Variants in MINDY1 observed in about 807,000 individuals in gnomAD.
The protein encoded by MINDY1 is ubiquitin carboxyl-terminal hydrolase MINDY-1.
A neutral mutation model predicts 53.6 loss-of-function variants in MINDY1; 50 were observed. The ratio of observed to expected loss-of-function variants is 0.93; its 90% CI spans 0.74 to 1.18. The LOEUF (loss-of-function observed/expected upper bound fraction) is 1.18, where lower values mean the gene tolerates loss of function less well. Among genes scored for constraint, MINDY1 ranks in the 50% most tolerant of loss-of-function variants. The pLI is 0.00. For synonymous variants in MINDY1, 231 were observed against 234.7 expected (o/e 0.98, Z 0.14); for missense variants, 484 against 578.6 (o/e 0.84, Z 1.68).
chr1:151,003,654 G>A (rs763055980), intron 1 of MINDY1, among the ~76,000 whole-genome samples: 15 of 152,174 alleles, frequency 9.9e-5, no homozygotes, highest in Admixed American at 2.0e-4. Context: ...CAAGCAATCC[G>A]CCCTCCTCAG....
Position 151,002,787 on chromosome 1 carries a change from G to T in MINDY1, c.-89-81C>A, listed in dbSNP as rs895139469. 2 of 1,475,218 alleles carry T rather than the reference G, an allele frequency of 1.4e-6. No individual in the cohort carries two copies. Among genetic ancestry groups the T allele is most frequent in the Non-Finnish European group, 1.8e-6 (2 of 1,112,476 alleles). The allele number at this position is 1,475,218 out of a possible 1,614,324, so 91.4% of individuals were successfully genotyped here. On this transcript the variant is annotated intron_variant, in intron 1 of 9. Transcript: ENST00000683666. This position sits in a 1 kb window ranked among gnomAD's most constrained non-coding sequence, Gnocchi z 4.1. ...TTGGAAAAGGAATGTAGTGTAGAAG[G>T]CTGGCTAGTGTTTGTGCAGTAACTC...
intron 4 of MINDY1, 108 bp from the exon 5 acceptor site, chr1:151,000,723 C>T: frequency 8.2e-7 from 1 of 1,222,364 alleles, no homozygotes; most frequent in Middle Eastern, 2.0e-4. Flanking sequence ...CCCTGATTCT[C>T]TTACAAGCCA....
At chr1:151,000,330 T>A in intron 5 of MINDY1, 127 bp downstream of exon 5, 1 of 970,624 alleles carries the variant, frequency 1.0e-6, no homozygotes, top group Non-Finnish European at 1.5e-6. Flanking sequence ...CTGGGTCCAG[T>A]CTCTAAACAC....
intron 1 of MINDY1, 77 bp downstream of exon 1, chr1:151,006,235 C>T: frequency 6.6e-7 from 1 of 1,525,866 alleles, no homozygotes; most frequent in Non-Finnish European, 8.8e-7. Flanking sequence ...CAGCAGGTGT[C>T]AGCTCCCCAA....
downstream of MINDY1, chr1:150,996,548 GT>G (rs879468386): frequency 1.1e-3 from 160 of 140,424 alleles, no homozygotes; most frequent in East Asian, 5.6e-3. Flanking sequence ...AGGAAAGAAG[GT>G]TTTTTTTTTT....
rs1291226805 is a variant in MINDY1 at position 150,997,383 on chromosome 1, C to T, written c.1330-16G>A. 25 of 1,590,438 alleles carry T rather than the reference C, an allele frequency of 1.6e-5. No homozygotes were observed. The highest frequency in any genetic ancestry group is 2.3e-5 in the East Asian group (1 of 43,534). On this transcript the variant is annotated splice_polypyrimidine_tract_variant and intron_variant, in intron 9 of 9. Transcript: ENST00000683666. Reference sequence around the variant, plus strand: ...CTCCTCTCCCCTGTATCGGATTTAACAATTGGTCACTGAACTTCCTTGGAA... The same window carrying T: ...CTCCTCTCCCCTGTATCGGATTTAATAATTGGTCACTGAACTTCCTTGGAA...
In MINDY1 at chr1:151,002,038, C is replaced by G; in HGVS notation, c.453+127G>C. 2.0e-6 allele frequency: 2 copies of G among 1,006,952 alleles called. No homozygotes were observed. Among genetic ancestry groups the G allele is most frequent in the South Asian group, 3.4e-5 (2 of 59,050 alleles). 62.4% of individuals were successfully genotyped at this position (1,006,952 alleles called of 1,614,324 possible). On this transcript the variant is annotated intron_variant, in intron 2 of 9. Transcript: ENST00000683666. The surrounding 1 kb of genome is among the most constrained non-coding windows in gnomAD (Gnocchi z 4.1). ...GAACATCTTATCTCATTTGCTCAAG[C>G]TGGAGAAATAGGGAGAACAATCTGA...
intron 4 of MINDY1, 35 bp from the exon 5 acceptor site, chr1:151,000,650 C>T (rs773035437): frequency 5.0e-6 from 8 of 1,587,552 alleles, no homozygotes; most frequent in African/African-American, 2.7e-5. Context: ...GAGATTCTAG[C>T]CTTCTCTCCC....
At chr1:151,001,198 A>G in intron 4 of MINDY1, 52 bp downstream of exon 4, 1 of 1,563,648 alleles carries the variant, frequency 6.4e-7, no homozygotes, top group Non-Finnish European at 8.8e-7. Context: ...GTATTACAAG[A>G]TGTCCCCTTA....
In MINDY1 at chr1:150,997,163, G is replaced by T; in HGVS notation, c.*124C>A. The stretch of plus-strand genomic sequence containing the variant: ...AGTCTGACCTTGGCATTTGTTGCCT[G>T]CTCTCATCCCCAACAGTCCATAAAT... On this transcript the variant is annotated 3_prime_UTR_variant, in exon 10 of 10. Coordinates refer to ENST00000683666, the MANE Select transcript of MINDY1 (RefSeq NM_001376665.1). 2.0e-6 allele frequency: 2 copies of T among 1,011,780 alleles called. No homozygotes were observed. The highest frequency in any genetic ancestry group is 1.5e-6 in the Non-Finnish European group (1 of 678,952). 62.7% of individuals were successfully genotyped at this position (1,011,780 alleles called of 1,614,324 possible). A position where few individuals can be genotyped will look rare whatever the true frequency, so the allele number is the denominator to read the frequency against.
At chr1:151,001,183 T>C (rs1490346796) in intron 4 of MINDY1, 67 bp downstream of exon 4, 11 of 1,498,706 alleles carry the variant, frequency 7.3e-6, no homozygotes, top group Non-Finnish European at 9.3e-6. Context: ...CAAAAGCTTA[T>C]CTTAGTATTA....
intron 1 of MINDY1, among the ~76,000 whole-genome samples, chr1:151,005,466 G>GA (rs1396507179): frequency 1.5e-5 from 2 of 133,098 alleles, no homozygotes; most frequent in Admixed American, 1.5e-4. Context: ...AAAAAAAAAA[G>GA]AAAAAAAGAA....
Position 150,999,711 on chromosome 1 carries a change from A to G in MINDY1, c.838+151T>C, listed in dbSNP as rs1672317100. The G allele has an allele frequency of 5.9e-5, 54 of 915,680 alleles. No individual in the cohort carries two copies. The South Asian group carries it at 7.7e-4, about 13-fold the overall frequency. 56.7% of individuals were successfully genotyped at this position (915,680 alleles called of 1,614,324 possible). ...CTACCTTGTGCCAGGCACTGGGGATACCTCAATGAACTAAACAGAAATTCC... is the reference window on the plus strand; with the variant it reads ...CTACCTTGTGCCAGGCACTGGGGATGCCTCAATGAACTAAACAGAAATTCC... On this transcript the variant is annotated intron_variant, in intron 6 of 9. Coordinates refer to ENST00000683666, the MANE Select transcript of MINDY1 (RefSeq NM_001376665.1). This position sits in a 1 kb window ranked among gnomAD's most constrained non-coding sequence, Gnocchi z 4.4.
intron 1 of MINDY1, chr1:151,005,970 A>G: frequency 1.7e-6 from 2 of 1,210,168 alleles, no homozygotes; most frequent in Non-Finnish European, 2.3e-6. Flanking sequence ...CCTTCTCTGT[A>G]GGAACAGTTC....
At chr1:150,998,355 T>C in intron 7 of MINDY1, 82 bp from the exon 8 acceptor site, 1 of 1,352,476 alleles carries the variant, frequency 7.4e-7, no homozygotes, top group Non-Finnish European at 1.0e-6. Flanking sequence ...TATGAGCATG[T>C]GGACTTTTTT....
intron 3 of MINDY1, 46 bp from the exon 4 acceptor site, chr1:151,001,360 A>G (rs1202258589): frequency 1.9e-6 from 3 of 1,599,626 alleles, no homozygotes; most frequent in Non-Finnish European, 1.7e-6. Context: ...AATCATCCCA[A>G]AAGCTAAGTT....
At chr1:151,005,205 AC>A (rs1425351808) in intron 1 of MINDY1, among the ~76,000 whole-genome samples, 1 of 152,074 alleles carries the variant, frequency 6.6e-6, no homozygotes, top group African/African-American at 2.4e-5. Context: ...GTATCCCAGC[AC>A]TTTGAGAGGC....
intron 7 of MINDY1, among the ~76,000 whole-genome samples, 192 bp from the exon 8 acceptor site, chr1:150,998,465 C>T (rs1284289861): frequency 2.0e-5 from 3 of 152,234 alleles, no homozygotes; most frequent in African/African-American, 4.8e-5. Flanking sequence ...CACCATTCTC[C>T]TGCCTCAGCC....
chr1:151,003,696 C>G (rs1672816047), intron 1 of MINDY1, among the ~76,000 whole-genome samples: 1 of 152,034 alleles, frequency 6.6e-6, no homozygotes, highest in Non-Finnish European at 1.5e-5. Context: ...CAGGCATGAG[C>G]CACGGTGCCT....
Sources: gnomAD v4.1 joint callset for allele counts (sites outside exome capture counted in the v4.1 genomes callset) on GRCh38, gnomAD v4.1.1 for gene constraint, Gnocchi (gnomAD v3.1) non-coding constraint, MANE v1.5 for transcripts, NCBI Gene and HGNC (gene_info 2026-07-23, HGNC 2026-07-21) for gene names.